Variants in INPP4B observed in about 807,000 individuals in gnomAD.
INPP4B encodes inositol polyphosphate 4-phosphatase type II.
Under a neutral mutation model 122.5 loss-of-function variants are expected in INPP4B, and 55 were observed. The observed-to-expected ratio is 0.45, with a 90% confidence interval of 0.36 to 0.56. INPP4B has a LOEUF of 0.56. Ranked by LOEUF, INPP4B falls within the 20% of genes least tolerant of loss-of-function variation. The probability of loss-of-function intolerance (pLI) is 0.00; values close to 1 mark genes in which losing one functional copy is unlikely to be tolerated. For synonymous variants in INPP4B, 403 were observed against 388.7 expected, an observed-to-expected ratio of 1.04 and a Z score of -0.43; for missense variants, 1,000 against 1,097.7, an observed-to-expected ratio of 0.91 and a Z score of 1.26.
At chr4:142,317,376 G>T in intron 7 of INPP4B, 1 of 324,168 alleles carries the variant, frequency 3.1e-6, no homozygotes, top group South Asian at 3.2e-5. Flanking sequence ...ACATGCTTAT[G>T]ATCAACATTT....
chr4:142,535,306 T>G (rs1370754351), intron 2 of INPP4B, among the ~76,000 whole-genome samples: 1 of 152,208 alleles, frequency 6.6e-6, no homozygotes, highest in African/African-American at 2.4e-5. Flanking sequence ...TTTTCTTGCT[T>G]GCAGATAAAT....
chr4:142,281,779 G>A (rs1234068955), intron 9 of INPP4B, among the ~76,000 whole-genome samples: 1 of 151,820 alleles, frequency 6.6e-6, no homozygotes, highest in Non-Finnish European at 1.5e-5. Context: ...ATGCTTAATT[G>A]CATTAGGATT....
At chr4:142,789,117 A>G (rs1296105850) in intron 1 of INPP4B, among the ~76,000 whole-genome samples, 1 of 152,146 alleles carries the variant, frequency 6.6e-6, no homozygotes, top group Admixed American at 6.6e-5. Context: ...ACAAACCCAC[A>G]GCCAACATAA....
At chr4:142,601,224 G>A (rs964857499) in intron 2 of INPP4B, among the ~76,000 whole-genome samples, 1 of 152,084 alleles carries the variant, frequency 6.6e-6, no homozygotes, top group Non-Finnish European at 1.5e-5. Flanking sequence ...AACATTTACA[G>A]AACATTTCAT....
At chr4:142,102,948 T>G (rs1456992095) in intron 23 of INPP4B, among the ~76,000 whole-genome samples, 1 of 152,176 alleles carries the variant, frequency 6.6e-6, no homozygotes, top group Non-Finnish European at 1.5e-5. Context: ...CACTTGATTC[T>G]ATTGCGTTCA....
chr4:142,808,794 CTTA>C (rs1269510220), intron 1 of INPP4B, among the ~76,000 whole-genome samples: 4 of 152,082 alleles, frequency 2.6e-5, no homozygotes, highest in Admixed American at 2.6e-4. Flanking sequence ...TAACTCACTA[CTTA>C]TTATAGTAAA....
chr4:142,605,356 C>T (rs1237843666), intron 2 of INPP4B, among the ~76,000 whole-genome samples: 4 of 151,928 alleles, frequency 2.6e-5, no homozygotes, highest in Non-Finnish European at 5.9e-5. Flanking sequence ...CTCTTCAGGA[C>T]ATTGGCTAGG....
chr4:142,507,610 G>A (rs951842534), intron 2 of INPP4B, among the ~76,000 whole-genome samples: 1 of 151,944 alleles, frequency 6.6e-6, no homozygotes, highest in Non-Finnish European at 1.5e-5. Flanking sequence ...TAAACAATTT[G>A]CAATTGTTTA....
intron 2 of INPP4B, among the ~76,000 whole-genome samples, chr4:142,572,464 C>A (rs1194872239): frequency 6.6e-6 from 1 of 152,056 alleles, no homozygotes; most frequent in African/African-American, 2.4e-5. Context: ...AATACAACCA[C>A]AACATTGCTT....
At chr4:142,054,368 G>A (rs1435173198) in intron 25 of INPP4B, among the ~76,000 whole-genome samples, 1 of 151,718 alleles carries the variant, frequency 6.6e-6, no homozygotes, top group Non-Finnish European at 1.5e-5. Flanking sequence ...GCAAGTTCAA[G>A]TTCATTACAG....
intron 2 of INPP4B, among the ~76,000 whole-genome samples, chr4:142,622,183 G>T (rs1443191): frequency 6.6e-6 from 1 of 151,582 alleles, no homozygotes; most frequent in Non-Finnish European, 1.5e-5. Context: ...CTCCCAAAAA[G>T]CTCAATGTGG....
intron 1 of INPP4B, among the ~76,000 whole-genome samples, chr4:142,765,319 T>C (rs1303650511): frequency 6.6e-6 from 1 of 152,134 alleles, no homozygotes; most frequent in Non-Finnish European, 1.5e-5. Context: ...ACTGAAGGGC[T>C]GGATGTGTAA....
intron 1 of INPP4B, among the ~76,000 whole-genome samples, chr4:142,763,446 C>T (rs1336649270): frequency 1.3e-5 from 2 of 151,962 alleles, no homozygotes; most frequent in Non-Finnish European, 2.9e-5. Flanking sequence ...TATGTAAAAC[C>T]AAGAAACAAA....
At chr4:142,460,728 C>T (rs1411636696) in intron 3 of INPP4B, among the ~76,000 whole-genome samples, 1 of 152,084 alleles carries the variant, frequency 6.6e-6, no homozygotes, top group Non-Finnish European at 1.5e-5. Context: ...TTTTTAATAA[C>T]AGTCAACTTA....
chr4:142,440,418 G>A (rs1316169689), intron 3 of INPP4B, among the ~76,000 whole-genome samples: 1 of 152,188 alleles, frequency 6.6e-6, no homozygotes, highest in African/African-American at 2.4e-5. Flanking sequence ...CAACGGAGCA[G>A]CAGGAATGAA....
intron 1 of INPP4B, among the ~76,000 whole-genome samples, chr4:142,825,859 A>G (rs2151167102): frequency 6.6e-6 from 1 of 152,280 alleles, no homozygotes; most frequent in Non-Finnish European, 1.5e-5. Context: ...TACAGCAAAG[A>G]AGAAATAAAA....
At chr4:142,119,655 G>T (rs184684205) in intron 21 of INPP4B, among the ~76,000 whole-genome samples, 2 of 151,692 alleles carry the variant, frequency 1.3e-5, no homozygotes, top group Non-Finnish European at 2.9e-5. Flanking sequence ...GTGGGGTGGG[G>T]GGAAGGGAGA....
intron 2 of INPP4B, among the ~76,000 whole-genome samples, chr4:142,567,023 G>A (rs749051134): frequency 3.9e-5 from 6 of 152,166 alleles, no homozygotes; most frequent in Non-Finnish European, 8.8e-5. Context: ...CCCCTCAAAC[G>A]CTATCCTTTT....
intron 2 of INPP4B, among the ~76,000 whole-genome samples, chr4:142,640,694 C>T (rs1035991890): frequency 5.3e-5 from 8 of 151,628 alleles, no homozygotes; most frequent in East Asian, 1.9e-4. Flanking sequence ...ATAAGACATT[C>T]GCAACACATA....
Sources: allele counts gnomAD v4.1 joint callset (sites outside exome capture counted in the v4.1 genomes callset), GRCh38; gene constraint gnomAD v4.1.1; transcripts MANE v1.5; gene names NCBI Gene and HGNC (gene_info 2026-07-23, HGNC 2026-07-21).